Variants in CNTN5 observed in about 807,000 individuals in gnomAD.
CNTN5 encodes contactin-5.
A neutral mutation model predicts 129.1 loss-of-function variants in CNTN5; 77 were observed. The observed-to-expected ratio is 0.60, with a 90% CI of 0.50 to 0.72. The LOEUF is 0.72. Ranked by LOEUF, CNTN5 falls within the 30% of genes least tolerant of loss-of-function variation. CNTN5 has a pLI of 0.00. For missense variants in CNTN5, 1,478 were observed against 1,328.8 expected (o/e 1.11, Z -1.75); for synonymous variants, 509 against 465.6 (o/e 1.09, Z -1.20).
At chr11:99,844,793 A>C in intron 4 of CNTN5, 59 bp from the exon 5 acceptor site, 1 of 1,524,898 alleles carries the variant, frequency 6.6e-7, no homozygotes, top group Non-Finnish European at 8.9e-7. Flanking sequence ...AAAAGAAAAA[A>C]ACACAAAATA....
chr11:99,611,516 G>A (rs184511401), intron 3 of CNTN5, among the ~76,000 whole-genome samples: 2 of 152,278 alleles, frequency 1.3e-5, no homozygotes, highest in Admixed American at 1.3e-4. Flanking sequence ...AATTCTCTAA[G>A]TGTGCATTAA....
chr11:99,525,852 T>C (rs1947463383), intron 2 of CNTN5, among the ~76,000 whole-genome samples: 1 of 152,204 alleles, frequency 6.6e-6, no homozygotes, highest in Non-Finnish European at 1.5e-5. Context: ...ACATTTTCAT[T>C]AACTAGAATA....
At chr11:99,399,016 GATA>G (rs1941667778) in intron 2 of CNTN5, among the ~76,000 whole-genome samples, 1 of 151,796 alleles carries the variant, frequency 6.6e-6, no homozygotes, top group African/African-American at 2.4e-5. Context: ...AACTTCTCCA[GATA>G]GTAGAGGTCT....
intron 3 of CNTN5, among the ~76,000 whole-genome samples, chr11:99,584,908 T>G (rs373004631): frequency 6.6e-6 from 1 of 152,200 alleles, no homozygotes; most frequent in South Asian, 2.1e-4. Flanking sequence ...TGAGTAGGCC[T>G]GTTGCTGCAA....
At chr11:100,000,646 CTG>C (rs1487994496) in intron 8 of CNTN5, among the ~76,000 whole-genome samples, 1 of 152,196 alleles carries the variant, frequency 6.6e-6, no homozygotes, top group Non-Finnish European at 1.5e-5. Context: ...AGTGGGGACA[CTG>C]TGTGGAGGCT....
intron 3 of CNTN5, among the ~76,000 whole-genome samples, chr11:99,812,603 A>G (rs1946462765): frequency 6.6e-6 from 1 of 152,162 alleles, no homozygotes; most frequent in African/African-American, 2.4e-5. Flanking sequence ...CAAGGAAGCT[A>G]AATCACAGAG....
chr11:100,042,219 T>TTC (rs199622266), intron 9 of CNTN5, among the ~76,000 whole-genome samples: 13,524 of 150,110 alleles, frequency 0.09, 776 homozygotes, highest in East Asian at 0.18. Context: ...TTTAGTTTTG[T>TTC]TCTCTCTCTT....
intron 9 of CNTN5, among the ~76,000 whole-genome samples, chr11:100,052,689 T>C (rs1203881910): frequency 2.6e-5 from 4 of 151,816 alleles, no homozygotes; most frequent in Admixed American, 2.6e-4. Context: ...GCTTCTACTT[T>C]TGTGAAATTT....
intron 13 of CNTN5, among the ~76,000 whole-genome samples, chr11:100,172,990 T>C (rs1591353841): frequency 3.3e-5 from 5 of 152,092 alleles, no homozygotes; most frequent in Middle Eastern, 3.4e-3. Flanking sequence ...CATAGATGAA[T>C]CCTGATGAGA....
chr11:99,829,203 C>A (rs1012316260), intron 4 of CNTN5, among the ~76,000 whole-genome samples: 1 of 152,124 alleles, frequency 6.6e-6, no homozygotes, highest in Non-Finnish European at 1.5e-5. Flanking sequence ...ATATTCTAAT[C>A]TACTTAAAAA....
intron 6 of CNTN5, among the ~76,000 whole-genome samples, chr11:99,873,086 G>A (rs1222439050): frequency 9.7e-5 from 1 of 10,288 alleles, no homozygotes; most frequent in East Asian, 3.0e-3. Context: ...AAACACTTTT[G>A]TAACTGCCAC....
chr11:100,296,959 TC>T (rs1169400103), intron 18 of CNTN5, among the ~76,000 whole-genome samples: 1 of 151,618 alleles, frequency 6.6e-6, no homozygotes, highest in African/African-American at 2.4e-5. Context: ...TTGAAAATGT[TC>T]CCTTTCAACT....
intron 13 of CNTN5, among the ~76,000 whole-genome samples, chr11:100,165,567 G>C (rs1445413491): frequency 6.6e-6 from 1 of 151,676 alleles, no homozygotes; most frequent in Non-Finnish European, 1.5e-5. Context: ...TTCCAATAAA[G>C]CTCTTCAAAA....
chr11:99,021,436 C>G (rs1862865269), intron 1 of CNTN5, among the ~76,000 whole-genome samples, 166 bp downstream of exon 1: 1 of 151,676 alleles, frequency 6.6e-6, no homozygotes. Context: ...ATAAAGGAAA[C>G]AAAACACGAC....
intron 2 of CNTN5, among the ~76,000 whole-genome samples, chr11:99,430,971 A>T (rs1007017645): frequency 1.3e-5 from 2 of 150,112 alleles, no homozygotes; most frequent in African/African-American, 2.4e-5. Context: ...TAGCCAAAAA[A>T]AAATTTTTGG....
chr11:99,413,952 C>T (rs1248298310), intron 2 of CNTN5, among the ~76,000 whole-genome samples: 1 of 151,788 alleles, frequency 6.6e-6, no homozygotes, highest in African/African-American at 2.4e-5. Flanking sequence ...CACAAATCTA[C>T]TTATGGCCAG....
chr11:99,830,366 C>T (rs1036028097), intron 4 of CNTN5, among the ~76,000 whole-genome samples: 4 of 152,126 alleles, frequency 2.6e-5, no homozygotes, highest in African/African-American at 7.2e-5. Context: ...CCTGCATTTA[C>T]AAATTTGTGG....
intron 2 of CNTN5, among the ~76,000 whole-genome samples, chr11:99,467,263 T>A (rs1293808884): frequency 1.3e-5 from 2 of 152,110 alleles, no homozygotes; most frequent in Non-Finnish European, 2.9e-5. Context: ...CTTGGGAACT[T>A]TTACCTGTTA....
At chr11:99,197,006 A>T (rs1479534245) in intron 1 of CNTN5, among the ~76,000 whole-genome samples, 1 of 151,986 alleles carries the variant, frequency 6.6e-6, no homozygotes, top group Non-Finnish European at 1.5e-5. Context: ...ATCATGAGGG[A>T]CATTGACTTA....
Sources: allele counts gnomAD v4.1 joint callset (sites outside exome capture counted in the v4.1 genomes callset), GRCh38; gene constraint gnomAD v4.1.1; transcripts MANE v1.5; gene names NCBI Gene and HGNC (gene_info 2026-07-23, HGNC 2026-07-21).